SV2C: variants seen among roughly 807,000 people sequenced by gnomAD.
SV2C encodes synaptic vesicle glycoprotein 2C, also known as solute carrier family 22 member B3.
Under a neutral mutation model 79.7 loss-of-function variants are expected in SV2C, and 49 were observed. The ratio of observed to expected loss-of-function variants is 0.61; its 90% CI spans 0.49 to 0.78. The LOEUF is 0.78. Ranked by LOEUF, SV2C falls within the 30% of genes least tolerant of loss-of-function variation. The probability of loss-of-function intolerance (pLI) is 0.00; values close to 1 mark genes in which losing one functional copy is unlikely to be tolerated. For synonymous variants in SV2C, 334 were observed against 333.2 expected, an observed-to-expected ratio of 1.00 and a Z score of -0.03; for missense variants, 833 against 912.9, an observed-to-expected ratio of 0.91 and a Z score of 1.13.
intron 4 of SV2C, among the ~76,000 whole-genome samples, chr5:76,231,410 G>C (rs1172232542): frequency 6.6e-6 from 1 of 151,760 alleles, no homozygotes; most frequent in Non-Finnish European, 1.5e-5. Flanking sequence ...ACTGAGGCTT[G>C]CTGCAGCTCA....
chr5:76,271,828 T>C (rs956136119), intron 4 of SV2C, among the ~76,000 whole-genome samples: 1 of 152,048 alleles, frequency 6.6e-6, no homozygotes, highest in African/African-American at 2.4e-5. Flanking sequence ...TTAGGAAACA[T>C]AATAAATATG....
At chr5:76,099,513 A>G (rs1747670028) in intron 1 of SV2C, among the ~76,000 whole-genome samples, 2 of 152,074 alleles carry the variant, frequency 1.3e-5, no homozygotes, top group South Asian at 4.1e-4. Flanking sequence ...TTCTGCTTAT[A>G]AGGGTTTCCT....
the SV2C span, among the ~76,000 whole-genome samples, chr5:75,878,907 A>G: frequency 6.6e-6 from 1 of 152,228 alleles, no homozygotes; most frequent in Admixed American, 6.5e-5. Flanking sequence ...GCATGGCTCC[A>G]GCATCTGCTT....
At chr5:76,210,033 C>A in intron 4 of SV2C, 146 bp downstream of exon 4, 1 of 1,008,798 alleles carries the variant, frequency 9.9e-7, no homozygotes, top group Non-Finnish European at 1.4e-6. Flanking sequence ...AGGAGTTTTT[C>A]CCCTCTGTGT....
At chr5:75,984,521 T>C in the SV2C span, among the ~76,000 whole-genome samples, 1 of 149,528 alleles carries the variant, frequency 6.7e-6, no homozygotes, top group Non-Finnish European at 1.5e-5. Flanking sequence ...CCATGAGAAG[T>C]AAGAGATCTA....
the SV2C span, among the ~76,000 whole-genome samples, chr5:75,884,695 A>T: frequency 1.3e-5 from 2 of 152,168 alleles, no homozygotes; most frequent in Admixed American, 1.3e-4. Context: ...AAGGTGATGG[A>T]TATTATAATT....
At chr5:76,295,149 T>C (rs536752673) in intron 8 of SV2C, among the ~76,000 whole-genome samples, 3 of 152,132 alleles carry the variant, frequency 2.0e-5, no homozygotes, top group Non-Finnish European at 4.4e-5. Context: ...TAATAGGAAT[T>C]TTATTTTTCA....
the SV2C span, among the ~76,000 whole-genome samples, chr5:75,918,925 C>T: frequency 5.6e-4 from 85 of 152,298 alleles, no homozygotes; most frequent in African/African-American, 1.9e-3. Context: ...GTATGTGAAG[C>T]GAGCTGTGAG....
At chr5:76,026,229 C>CACAA in the SV2C span, among the ~76,000 whole-genome samples, 1 of 147,196 alleles carries the variant, frequency 6.8e-6, no homozygotes, top group South Asian at 2.1e-4. Context: ...CACACACACA[C>CACAA]ACACACACAC....
At chr5:75,889,199 G>A in the SV2C span, among the ~76,000 whole-genome samples, 29 of 151,894 alleles carry the variant, frequency 1.9e-4, no homozygotes, top group Admixed American at 1.4e-3. Context: ...AACTCGTCAG[G>A]TTTTAAGCCC....
At chr5:76,334,973 C>T (rs1749282399), downstream of SV2C, among the ~76,000 whole-genome samples, 2 of 152,180 alleles carry the variant, frequency 1.3e-5, no homozygotes, top group East Asian at 3.8e-4. Flanking sequence ...TGTGTCTGAG[C>T]TCTAGAACCA....
At chr5:75,967,493 A>C in the SV2C span, among the ~76,000 whole-genome samples, 3 of 152,188 alleles carry the variant, frequency 2.0e-5, no homozygotes, top group Non-Finnish European at 4.4e-5. Flanking sequence ...CTTTTCCAAC[A>C]GGCTTAACAA....
At chr5:76,171,616 G>T (rs1357539323) in intron 2 of SV2C, among the ~76,000 whole-genome samples, 3 of 146,090 alleles carry the variant, frequency 2.1e-5, no homozygotes, top group East Asian at 4.0e-4. Context: ...GGTGGGGGGG[G>T]GGTCAGCCCC....
chr5:76,230,469 T>G lies in SV2C; in HGVS notation c.913+20582T>G, dbSNP rs550451291. Among the ~76,000 whole-genome samples, 3 of 152,340 alleles carry G rather than the reference T, an allele frequency of 2.0e-5. No homozygotes were observed. In the South Asian group the frequency reaches 6.2e-4, roughly 32 times the overall value. ...CATTGGAGTTCATTTTAATTATTCA[T>G]GTAGGCAATATTGTCTAAGCATAAG... On this transcript the variant is annotated intron_variant, in intron 4 of 12. Coordinates refer to ENST00000502798, the MANE Select transcript of SV2C (RefSeq NM_014979.4).
chr5:76,069,990 C>T, the SV2C span, among the ~76,000 whole-genome samples: 1 of 152,108 alleles, frequency 6.6e-6, no homozygotes. Flanking sequence ...TGGGTTGACA[C>T]CTGAGTTGTA....
chr5:75,945,031 A>G, the SV2C span, among the ~76,000 whole-genome samples: 1 of 152,152 alleles, frequency 6.6e-6, no homozygotes. Context: ...AATCAACAGA[A>G]TTAACAGAGG....
At chr5:75,901,060 C>T in the SV2C span, among the ~76,000 whole-genome samples, 3 of 152,152 alleles carry the variant, frequency 2.0e-5, no homozygotes, top group South Asian at 4.1e-4. Context: ...GTAGTTTGAT[C>T]ATCTGAAGCC....
rs183570947 is a variant in SV2C, at chr5:76,245,052, A to G, written c.913+35165A>G. On this transcript the variant is annotated intron_variant, in intron 4 of 12. Transcript: ENST00000502798. ...GCTTTTCTAGGAAATCTTCCATGGT[A>G]CCCCCAAATTGGGTTAGTTCCCCTC... 2.0e-5 allele frequency among the ~76,000 whole-genome samples: 3 copies of G among 152,252 alleles called. No homozygotes were observed. In the East Asian group the frequency reaches 5.8e-4, roughly 29 times the overall value.
chr5:76,183,673 C>A (rs1425169186), intron 2 of SV2C, among the ~76,000 whole-genome samples: 2 of 152,140 alleles, frequency 1.3e-5, no homozygotes, highest in Non-Finnish European at 2.9e-5. Context: ...TTCTCTCTTG[C>A]CACTCTCCCC....
Sources: gnomAD v4.1 joint callset for allele counts (sites outside exome capture counted in the v4.1 genomes callset) on GRCh38, gnomAD v4.1.1 for gene constraint, MANE v1.5 for transcripts, NCBI Gene and HGNC (gene_info 2026-07-23, HGNC 2026-07-21) for gene names.